The following SSBP2 variants were observed in gnomAD, a reference collection of about 807,000 sequenced individuals.
SSBP2 encodes the protein single-stranded DNA-binding protein 2.
Under a neutral mutation model 61.8 loss-of-function variants are expected in SSBP2, and 17 were observed. The ratio of observed to expected loss-of-function variants is 0.28; its 90% CI spans 0.19 to 0.41. The LOEUF is 0.41. Ranked by LOEUF, SSBP2 falls within the 10% of genes least tolerant of loss-of-function variation. The pLI, the probability that SSBP2 is intolerant of heterozygous loss-of-function variation, is 1.00. For missense variants in SSBP2, 310 were observed against 458.7 expected (o/e 0.68, Z 2.96); for synonymous variants, 139 against 141.3 (o/e 0.98, Z 0.12).
chr5:81,425,168 A>C (rs1443650345), intron 16 of SSBP2, among the ~76,000 whole-genome samples: 1 of 152,232 alleles, frequency 6.6e-6, no homozygotes, highest in East Asian at 1.9e-4. Flanking sequence ...TTCATGTACC[A>C]TAAAATCCAG....
At chr5:81,667,331 ACG>A (rs1479295854) in intron 1 of SSBP2, among the ~76,000 whole-genome samples, 6 of 142,318 alleles carry the variant, frequency 4.2e-5, no homozygotes, top group Non-Finnish European at 7.8e-5. Context: ...ACACACACAC[ACG>A]CTCCAACAAT....
rs551148912 is a variant in SSBP2 at position 81,437,551 on chromosome 5, A to G, written c.929-93T>C. The G allele has an allele frequency of 8.3e-5, 98 of 1,181,262 alleles. No homozygotes were observed. The African/African-American group carries it at 1.1e-3, about 14-fold the overall frequency. 73.2% of individuals were successfully genotyped at this position (1,181,262 alleles called of 1,614,324 possible). ...AATTTAAATAAGTGAAGTATACTAT[A>G]TGTATTTTCCAGCATATAGCTCCTG... On this transcript the variant is annotated intron_variant, in intron 14 of 16. Transcript: ENST00000320672.
intron 4 of SSBP2, among the ~76,000 whole-genome samples, chr5:81,593,258 G>C (rs977289018): frequency 2.0e-5 from 3 of 152,124 alleles, no homozygotes; most frequent in Non-Finnish European, 2.9e-5. Flanking sequence ...AAGACAAAAT[G>C]AATGAAATGA....
chr5:81,419,632 C>T lies in SSBP2; in HGVS notation c.*872G>A, dbSNP rs1248836468. ...AAAGATGTTGCTAAATATATGACAACCCCGGTCACTTTATTGCTATGGTCT... is the reference window on the plus strand; with the variant it reads ...AAAGATGTTGCTAAATATATGACAATCCCGGTCACTTTATTGCTATGGTCT... On this transcript the variant is annotated 3_prime_UTR_variant, in exon 17 of 17. Coordinates refer to ENST00000320672, the MANE Select transcript of SSBP2 (RefSeq NM_012446.5). The T allele has an allele frequency of 2.0e-5, 3 of 152,132 alleles. No homozygotes were observed. The highest frequency in any genetic ancestry group is 7.2e-5 in the African/African-American group (3 of 41,414). The allele number at this position is 152,132 out of a possible 1,614,324, so 9.4% of individuals were successfully genotyped here.
rs569548089 is a variant in SSBP2 at position 81,413,913 on chromosome 5, G to C, written c.*6591C>G. 1 of 152,062 alleles carries C rather than the reference G, an allele frequency of 6.6e-6. No individual in the cohort carries two copies. The highest frequency in any genetic ancestry group is 3.2e-3 in the Middle Eastern group (1 of 316). The allele number at this position is 152,062 out of a possible 1,614,324, so 9.4% of individuals were successfully genotyped here. Reference sequence around the variant, plus strand: ...AAAGTTAGCTGACAAATATCATATTGTGTTCTGAGTACTGTGAGGAATCCA... The same window carrying C: ...AAAGTTAGCTGACAAATATCATATTCTGTTCTGAGTACTGTGAGGAATCCA... On this transcript the variant is annotated 3_prime_UTR_variant, in exon 17 of 17. Coordinates refer to ENST00000320672, the MANE Select transcript of SSBP2 (RefSeq NM_012446.5).
At chr5:81,443,483 GA>G (rs1258642920) in intron 12 of SSBP2, among the ~76,000 whole-genome samples, 1 of 152,080 alleles carries the variant, frequency 6.6e-6, no homozygotes, top group Non-Finnish European at 1.5e-5. Context: ...TTTACATTGA[GA>G]AAATATAAAT....
intron 3 of SSBP2, among the ~76,000 whole-genome samples, chr5:81,628,266 C>T (rs435333): frequency 0.53 from 79,875 of 151,832 alleles, 21,450 homozygotes; most frequent in East Asian, 0.81. Flanking sequence ...AAGCCCCTTA[C>T]AAAACCACCA....
At chr5:81,693,227 A>G (rs1753353932) in intron 1 of SSBP2, among the ~76,000 whole-genome samples, 1 of 151,080 alleles carries the variant, frequency 6.6e-6, no homozygotes, top group Admixed American at 6.6e-5. Context: ...AAAAAAAGAA[A>G]GAAAATATTG....
At chr5:81,443,337 T>C (rs1248433589) in intron 12 of SSBP2, 1 of 152,188 alleles carries the variant, frequency 6.6e-6, no homozygotes, top group African/African-American at 2.4e-5. Context: ...ATATCTGTAC[T>C]GCATATCCAT....
chr5:81,626,564 G>C (rs1247457834), intron 3 of SSBP2, among the ~76,000 whole-genome samples: 2 of 152,200 alleles, frequency 1.3e-5, no homozygotes, highest in Non-Finnish European at 2.9e-5. Flanking sequence ...CCAGCAGTCT[G>C]AGCAGCATCA....
At chr5:81,516,172 A>C (rs1769005976) in intron 4 of SSBP2, among the ~76,000 whole-genome samples, 1 of 152,064 alleles carries the variant, frequency 6.6e-6, no homozygotes, top group African/African-American at 2.4e-5. Context: ...TCAACAAATC[A>C]AACAAATGAA....
intron 4 of SSBP2, among the ~76,000 whole-genome samples, chr5:81,607,247 C>T (rs1744970912): frequency 6.6e-6 from 1 of 151,966 alleles, no homozygotes; most frequent in African/African-American, 2.4e-5. Flanking sequence ...AGGTGATAAA[C>T]AGGACAAGAT....
At chr5:81,483,863 A>C (rs1457012750) in intron 6 of SSBP2, among the ~76,000 whole-genome samples, 1 of 152,164 alleles carries the variant, frequency 6.6e-6, no homozygotes, top group Non-Finnish European at 1.5e-5. Context: ...CACATGCAGC[A>C]ATTTAAATTT....
At chr5:81,578,605 G>T (rs927635987) in intron 4 of SSBP2, among the ~76,000 whole-genome samples, 22 of 151,322 alleles carry the variant, frequency 1.5e-4, no homozygotes, top group African/African-American at 4.6e-4. Flanking sequence ...AAGGAAAAAA[G>T]AAGAAAATTG....
chr5:81,589,618 G>C (rs1362877730), intron 4 of SSBP2, among the ~76,000 whole-genome samples: 1 of 152,100 alleles, frequency 6.6e-6, no homozygotes, highest in African/African-American at 2.4e-5. Context: ...AATAAAAAAG[G>C]TTTAGCTAGA....
chr5:81,604,789 G>A (rs1006704593), intron 4 of SSBP2, among the ~76,000 whole-genome samples: 8 of 152,126 alleles, frequency 5.3e-5, no homozygotes, highest in African/African-American at 1.9e-4. Context: ...CGGCAGCAAA[G>A]ACCTTAAATT....
chr5:81,729,081 A>C (rs1033306883), intron 1 of SSBP2, among the ~76,000 whole-genome samples: 1 of 152,168 alleles, frequency 6.6e-6, no homozygotes, highest in Non-Finnish European at 1.5e-5. Flanking sequence ...ATATATCAAA[A>C]CACCGTATTG....
intron 1 of SSBP2, among the ~76,000 whole-genome samples, chr5:81,699,235 T>C (rs1009237518): frequency 2.0e-5 from 3 of 152,202 alleles, no homozygotes; most frequent in Admixed American, 2.0e-4. Flanking sequence ...GGGGTGGCAG[T>C]TGCTGAAGGC....
chr5:81,526,151 G>A (rs1360601636), intron 4 of SSBP2, among the ~76,000 whole-genome samples: 1 of 151,910 alleles, frequency 6.6e-6, no homozygotes, highest in Non-Finnish European at 1.5e-5. Context: ...TTGTTTCATT[G>A]TTTCACCTTT....
Sources: gnomAD v4.1 joint callset for allele counts (sites outside exome capture counted in the v4.1 genomes callset) on GRCh38, gnomAD v4.1.1 for gene constraint, MANE v1.5 for transcripts, NCBI Gene and HGNC (gene_info 2026-07-23, HGNC 2026-07-21) for gene names.